Variants in TNIK observed in about 807,000 individuals in gnomAD.
TNIK encodes TRAF2 and NCK interacting kinase, also known as TRAF2 and NCK-interacting protein kinase.
A neutral mutation model predicts 191.3 loss-of-function variants in TNIK; 49 were observed. The ratio of observed to expected loss-of-function variants is 0.26; its 90% CI spans 0.20 to 0.32. The LOEUF (loss-of-function observed/expected upper bound fraction) is 0.32, where lower values mean the gene tolerates loss of function less well. Ranked by LOEUF, TNIK falls within the 10% of genes least tolerant of loss-of-function variation. The pLI, the probability that TNIK is intolerant of heterozygous loss-of-function variation, is 1.00. For missense variants in TNIK, 1,155 were observed against 1,702.3 expected (o/e 0.68, Z 5.66); for synonymous variants, 594 against 600.9 (o/e 0.99, Z 0.17).
At chr3:171,146,252 T>C (rs1459912355) in intron 12 of TNIK, among the ~76,000 whole-genome samples, 2 of 152,218 alleles carry the variant, frequency 1.3e-5, no homozygotes, top group Admixed American at 1.3e-4. Flanking sequence ...CCCTTCTACA[T>C]TGTCTTCTTG....
intron 1 of TNIK, among the ~76,000 whole-genome samples, chr3:171,383,267 AGAGCATGCTG>A (rs1718299928): frequency 6.6e-6 from 1 of 152,236 alleles, no homozygotes; most frequent in Admixed American, 6.5e-5. Context: ...GGCCTAAACC[AGAGCATGCTG>A]GAGCTTGTGG....
intron 1 of TNIK, among the ~76,000 whole-genome samples, chr3:171,387,255 T>C (rs1718847708): frequency 6.6e-6 from 1 of 152,204 alleles, no homozygotes; most frequent in Non-Finnish European, 1.5e-5. Flanking sequence ...GAAGGCCTAC[T>C]TGAGAGGCAG....
At chr3:171,167,055 T>C (rs755994515) in intron 10 of TNIK, 40 bp downstream of exon 10, 5 of 1,592,626 alleles carry the variant, frequency 3.1e-6, no homozygotes, top group African/African-American at 1.3e-5. Context: ...ATTCACTCCA[T>C]CTTTTGTTTC....
chr3:171,211,804 G>A (rs1178136556), intron 3 of TNIK, among the ~76,000 whole-genome samples: 2 of 152,106 alleles, frequency 1.3e-5, no homozygotes, highest in African/African-American at 4.8e-5. Context: ...TCACCTTCAG[G>A]AAACTCACCT....
chr3:171,410,778 CAAAAAAAAAAA>C (rs55965220), intron 1 of TNIK, among the ~76,000 whole-genome samples: 2 of 73,914 alleles, frequency 2.7e-5, no homozygotes, highest in African/African-American at 1.1e-4. Flanking sequence ...GACTCCATCT[CAAAAAAAAAAA>C]AAAAAAAAAA....
intron 2 of TNIK, among the ~76,000 whole-genome samples, chr3:171,340,896 A>G (rs1757434915): frequency 6.6e-6 from 1 of 151,564 alleles, no homozygotes; most frequent in Non-Finnish European, 1.5e-5. Flanking sequence ...GACTCTTGGT[A>G]TTTGGGAGGG....
chr3:171,158,110 C>A (rs1479374384), intron 11 of TNIK, among the ~76,000 whole-genome samples: 2 of 152,224 alleles, frequency 1.3e-5, no homozygotes, highest in Non-Finnish European at 2.9e-5. Context: ...ACCACCCCCT[C>A]ACACCAAACC....
intron 2 of TNIK, among the ~76,000 whole-genome samples, chr3:171,290,686 T>G (rs1751587041): frequency 6.6e-6 from 1 of 152,178 alleles, no homozygotes; most frequent in Non-Finnish European, 1.5e-5. Flanking sequence ...AGAAGATAGG[T>G]ATTAAGTATT....
chr3:171,323,346 A>G (rs1200248904), intron 2 of TNIK, among the ~76,000 whole-genome samples: 1 of 152,198 alleles, frequency 6.6e-6, no homozygotes, highest in Non-Finnish European at 1.5e-5. Flanking sequence ...CCCAACACAT[A>G]GGTAACTTAC....
At chr3:171,415,973 C>CAAAAAAAAAAAAA in intron 1 of TNIK, among the ~76,000 whole-genome samples, 1 of 12,578 alleles carries the variant, frequency 8.0e-5, no homozygotes, top group Non-Finnish European at 1.3e-4. Flanking sequence ...GAGACTGTCT[C>CAAAAAAAAAAAAA]AAAAAAAAAA....
intron 4 of TNIK, among the ~76,000 whole-genome samples, chr3:171,210,885 T>C (rs943193463): frequency 1.3e-5 from 2 of 148,914 alleles, no homozygotes; most frequent in Non-Finnish European, 3.0e-5. Flanking sequence ...ACTTAACAAT[T>C]GGCTTTGGGG....
Position 171,413,226 on chromosome 3 carries a change from C to T in TNIK, c.58-43541G>A, listed in dbSNP as rs537691671. 2.0e-5 allele frequency among the ~76,000 whole-genome samples: 3 copies of T among 152,136 alleles called. No individual in the cohort carries two copies. The East Asian group carries it at 5.8e-4, about 29-fold the overall frequency. ...TCTAATGGGTCCTTAAATCTGATTCCAAATTAAGTCCTTCAGACACGGCTC... is the reference window on the plus strand; with the variant it reads ...TCTAATGGGTCCTTAAATCTGATTCTAAATTAAGTCCTTCAGACACGGCTC... On this transcript the variant is annotated intron_variant, in intron 1 of 32. Transcript: ENST00000436636.
intron 3 of TNIK, among the ~76,000 whole-genome samples, chr3:171,223,869 T>C (rs1017698451): frequency 1.6e-4 from 24 of 152,144 alleles, no homozygotes; most frequent in East Asian, 7.7e-4. Context: ...ATTATAGTCA[T>C]AGAATTCTCC....
intron 3 of TNIK, among the ~76,000 whole-genome samples, chr3:171,222,550 A>G (rs1742483815): frequency 6.6e-6 from 1 of 152,158 alleles, no homozygotes; most frequent in African/African-American, 2.4e-5. Flanking sequence ...CTTTGGGATG[A>G]AAGAACCAAA....
At chr3:171,069,644 C>T (rs1169682388) in intron 29 of TNIK, among the ~76,000 whole-genome samples, 1 of 152,206 alleles carries the variant, frequency 6.6e-6, no homozygotes, top group African/African-American at 2.4e-5. Context: ...AAAGAGAGAT[C>T]TTGCCAAGTT....
chr3:171,207,599 G>C (rs1367752679), intron 4 of TNIK, among the ~76,000 whole-genome samples: 2 of 152,152 alleles, frequency 1.3e-5, no homozygotes, highest in African/African-American at 4.8e-5. Flanking sequence ...GAGAGGGAGA[G>C]CAAGGGGGAC....
At chr3:171,220,327 C>T (rs1742142665) in intron 3 of TNIK, among the ~76,000 whole-genome samples, 1 of 152,108 alleles carries the variant, frequency 6.6e-6, no homozygotes, top group Admixed American at 6.5e-5. Flanking sequence ...ACCACCATGG[C>T]ACGTGTATAC....
chr3:171,278,692 G>T (rs1039606710), intron 2 of TNIK, among the ~76,000 whole-genome samples: 1 of 152,184 alleles, frequency 6.6e-6, no homozygotes, highest in South Asian at 2.1e-4. Flanking sequence ...ATGACAAGGG[G>T]TGACTTTGCC....
chr3:171,075,603 T>C (rs1259763112), intron 28 of TNIK, among the ~76,000 whole-genome samples: 1 of 152,198 alleles, frequency 6.6e-6, no homozygotes, highest in African/African-American at 2.4e-5. Flanking sequence ...CATCCATTCC[T>C]TTTTAAAAAA....
Sources: gnomAD v4.1 joint callset for allele counts (sites outside exome capture counted in the v4.1 genomes callset) on GRCh38, gnomAD v4.1.1 for gene constraint, MANE v1.5 for transcripts, NCBI Gene and HGNC (gene_info 2026-07-23, HGNC 2026-07-21) for gene names.